TMEM120A: variants seen among roughly 807,000 people sequenced by gnomAD.
The protein encoded by TMEM120A is ion channel TACAN.
In TMEM120A, 45 loss-of-function variants were observed where a neutral mutation model predicts 54.3. The ratio of observed to expected loss-of-function variants is 0.83; its 90% confidence interval spans 0.65 to 1.06. TMEM120A has a LOEUF of 1.06. Among genes scored for constraint, TMEM120A ranks in the 50% least tolerant of loss-of-function variants. The pLI, the probability that TMEM120A is intolerant of heterozygous loss-of-function variation, is 0.00. For missense variants in TMEM120A, 424 were observed against 441.7 expected (o/e 0.96, Z 0.36); for synonymous variants, 204 against 178.5 (o/e 1.14, Z -1.14).
intron 1 of TMEM120A, among the ~76,000 whole-genome samples, chr7:75,994,058 C>T (rs1441888930): frequency 6.6e-6 from 1 of 151,914 alleles, no homozygotes; most frequent in Non-Finnish European, 1.5e-5. Flanking sequence ...CGCGGTATCC[C>T]TCTGCCTGGG....
chr7:75,989,404 C>G (rs2116663641), intron 3 of TMEM120A, among the ~76,000 whole-genome samples, 180 bp from the exon 4 acceptor site: 1 of 151,840 alleles, frequency 6.6e-6, no homozygotes, highest in South Asian at 2.1e-4. Flanking sequence ...CTGCCATGCC[C>G]AGCCTTCCTG....
rs1789512537 is a variant in TMEM120A, at chr7:75,986,900, C to T, written c.*272G>A. Reference sequence around the variant, plus strand: ...GTAGATCTGGGACCTCCACCTGCATCAACTTAACTAACTCAGACCCCAGGA... The same window carrying T: ...GTAGATCTGGGACCTCCACCTGCATTAACTTAACTAACTCAGACCCCAGGA... On this transcript the variant is annotated 3_prime_UTR_variant, in exon 12 of 12. Transcript: ENST00000493111. 2 of 584,960 alleles carry T rather than the reference C, an allele frequency of 3.4e-6. No individual in the cohort carries two copies. 36.2% of individuals were successfully genotyped at this position (584,960 alleles called of 1,614,324 possible).
chr7:75,993,869 T>C (rs1789939291), intron 1 of TMEM120A, among the ~76,000 whole-genome samples: 1 of 151,992 alleles, frequency 6.6e-6, no homozygotes, highest in South Asian at 2.1e-4. Flanking sequence ...GTCCAGACAA[T>C]TCCTCCCGTA....
At chr7:75,990,332 G>GGAGCACTCCGCCA (rs1563443151) in intron 3 of TMEM120A, among the ~76,000 whole-genome samples, 1 of 151,978 alleles carries the variant, frequency 6.6e-6, no homozygotes, top group Admixed American at 6.6e-5. Context: ...GCACTGTGCC[G>GGAGCACTCCGCCA]GGAGCACTCC....
chr7:75,988,276 C>G lies in TMEM120A; in HGVS notation c.539G>C (p.Ser180Thr), dbSNP rs1554560696. The change falls in exon 6 of 12, where the codon AGC (serine) becomes ACC (threonine). Residue 180 changes from serine (S) to threonine (T), a missense_variant. Ser to Thr is a moderately conservative substitution (Grantham distance 58, BLOSUM62 1). Coordinates refer to ENST00000493111, the MANE Select transcript of TMEM120A (RefSeq NM_031925.3). ...WYYCTLTIRE[S>T]ILINNGSRIK... is the part of the protein sequence containing the mutation. ...CCGGGAGCCGTTGTTGATGAGGATG[C>G]TCTCCCGGATGGTCAGGGTGCAGTA... The G allele has an allele frequency of 1.2e-6, 2 of 1,612,220 alleles. No individual in the cohort carries two copies. The highest frequency in any genetic ancestry group is 1.7e-6 in the Non-Finnish European group (2 of 1,179,910).
At position 75,994,472 on chromosome 7, in the gene TMEM120A, G is replaced by A. The variant is rs1167524168; in HGVS notation, c.81+18C>T. 6.4e-7 allele frequency: 1 copy of A among 1,552,862 alleles called. No individual in the cohort carries two copies. The highest frequency in any genetic ancestry group is 1.9e-5 in the Admixed American group (1 of 51,472). On this transcript the variant is annotated intron_variant, in intron 1 of 11. Coordinates refer to ENST00000493111, the MANE Select transcript of TMEM120A (RefSeq NM_031925.3). ...AGACGCGGCTCGGGGGCGACCCGGC[G>A]TCCGCAGCGGCGCTAACCTGGATGT... is the stretch of plus-strand genomic sequence containing the variant.
intron 3 of TMEM120A, 83 bp from the exon 4 acceptor site, chr7:75,989,307 C>T: frequency 1.1e-6 from 1 of 913,106 alleles, no homozygotes; most frequent in Non-Finnish European, 1.8e-6. Flanking sequence ...CAGGCCAGAG[C>T]CTGGGCCACC....
Position 75,994,588 on chromosome 7 carries a change from CCAGTAGT to C in TMEM120A, c.-25_-19del. ...GGCTGCATGGCTGCAGCGCCAGTAGCCAGTAGTGGAGGACGGCGCAGCAACCCCGGCC... is the reference window on the plus strand; with the variant it reads ...GGCTGCATGGCTGCAGCGCCAGTAGCGGAGGACGGCGCAGCAACCCCGGCC... On this transcript the variant is annotated 5_prime_UTR_variant, in exon 1 of 12. Transcript: ENST00000493111. 6.6e-6 allele frequency: 10 copies of C among 1,521,452 alleles called. No individual in the cohort carries two copies. Among genetic ancestry groups the C allele is most frequent in the Non-Finnish European group, 8.8e-6 (10 of 1,133,124 alleles). The allele number at this position is 1,521,452 out of a possible 1,614,324, so 94.2% of individuals were successfully genotyped here.
At position 75,994,555 on chromosome 7, in the gene TMEM120A, G is replaced by A. The variant is rs1789994654; in HGVS notation, c.16C>T (p.Pro6Ser). 1 of 1,550,888 alleles carries A rather than the reference G, an allele frequency of 6.4e-7. No homozygotes were observed. Residue 6 changes from proline (P) to serine (S), a missense_variant, in exon 1 of 12, where the codon CCG becomes TCG. By Grantham distance (74) the Pro-to-Ser change is moderately conservative. Coordinates refer to ENST00000493111, the MANE Select transcript of TMEM120A (RefSeq NM_031925.3). MQPPP[P>S]GPLGDCLRDW... ...CGCAGGCAGTCGCCCAGCGGGCCCG[G>A]GGGCGGGGGCTGCATGGCTGCAGCG...
rs1554560136 is a variant in TMEM120A at position 75,987,502 on chromosome 7, CA to C, written c.849+35del. On this transcript the variant is annotated intron_variant, in intron 10 of 11. Transcript: ENST00000493111. ...GCCCGAAACCGGCGCAGAGGACGGACAGACAGACAGGCAGGGACACAGAGGC... is the reference window on the plus strand; with the variant it reads ...GCCCGAAACCGGCGCAGAGGACGGACGACAGACAGGCAGGGACACAGAGGC... The C allele has an allele frequency of 8.6e-3, 8 of 932 alleles. 1 individual carries two copies. In the South Asian group the frequency reaches 0.36, roughly 42 times the overall value. The allele number at this position is 932 out of a possible 1,614,324, so 0.1% of individuals were successfully genotyped here.
At chr7:75,994,358 C>T in intron 1 of TMEM120A, 132 bp downstream of exon 1, 3 of 762,494 alleles carry the variant, frequency 3.9e-6, no homozygotes, top group East Asian at 3.1e-5. Flanking sequence ...CCTCGCCCCC[C>T]TTGGCAGTGA....
In TMEM120A at chr7:75,994,524, C is replaced by A. The variant is rs1554562762; in HGVS notation, c.47G>T (p.Trp16Leu). ...CTGGAAGTCCTGCTGTAGATCCTCC[C>A]AGTCCCGCAGGCAGTCGCCCAGCGG... Reference protein sequence around the residue: ...PGPLGDCLRDWEDLQQDFQNI... With the variant: ...PGPLGDCLRDLEDLQQDFQNI... Residue 16 changes from tryptophan to leucine, a missense_variant, in exon 1 of 12, where the codon TGG (tryptophan) becomes TTG (leucine). Trp to Leu is a moderately conservative substitution (Grantham distance 61). Transcript: ENST00000493111. 2 of 1,565,664 alleles carry A rather than the reference C, an allele frequency of 1.3e-6. No individual in the cohort carries two copies. The highest frequency in any genetic ancestry group is 2.4e-5 in the East Asian group (1 of 41,462).
chr7:75,993,257 G>A (rs976792555), intron 1 of TMEM120A, among the ~76,000 whole-genome samples: 48 of 152,192 alleles, frequency 3.2e-4, no homozygotes, highest in African/African-American at 8.9e-4. Flanking sequence ...AGCTCCTCCT[G>A]CCTATCTAGC....
chr7:75,989,026 A>AGGCCGGGTGGGGTGGGGGGTGGAGGGGAC, intron 4 of TMEM120A, 139 bp downstream of exon 4: 2 of 90,598 alleles, frequency 2.2e-5, no homozygotes, highest in African/African-American at 9.9e-5. Context: ...GTGGAGGGGA[A>AGGCCGGGTGGGGTGGGGGGTGGAGGGGAC]GGCCGGGTTG....
In TMEM120A at chr7:75,989,928, A is replaced by G. The variant is rs571926254; in HGVS notation, c.318-704T>C. On this transcript the variant is annotated intron_variant, in intron 3 of 11. Transcript: ENST00000493111. Reference sequence around the variant, plus strand: ...CATCTTGCCCTTCTCTGCCAGAGATACTCCAAGAGGTGACAGCAAAGTCAC... The same window carrying G: ...CATCTTGCCCTTCTCTGCCAGAGATGCTCCAAGAGGTGACAGCAAAGTCAC... 7.4e-4 allele frequency among the ~76,000 whole-genome samples: 113 copies of G among 151,990 alleles called. 2 individuals are homozygous for G. The South Asian group carries it at 0.023, about 31-fold the overall frequency.
At position 75,986,953 on chromosome 7, in the gene TMEM120A, C is replaced by T; in HGVS notation, c.*219G>A. On this transcript the variant is annotated 3_prime_UTR_variant, in exon 12 of 12. Transcript: ENST00000493111. ...CCATGTGGTGGGGCCACCCAGCCCT[C>T]CCCTCCCCCAGGAGAACACACACGC... 1.7e-6 allele frequency: 1 copy of T among 600,486 alleles called. No individual in the cohort carries two copies. Among genetic ancestry groups the T allele is most frequent in the Admixed American group, 3.0e-5 (1 of 32,998 alleles). The allele number at this position is 600,486 out of a possible 1,614,324, so 37.2% of individuals were successfully genotyped here. A position where few individuals can be genotyped will look rare whatever the true frequency, so the allele number is the denominator to read the frequency against.
chr7:75,989,315 A>ACCACC (rs1158196316), intron 3 of TMEM120A, 91 bp from the exon 4 acceptor site: 1 of 844,394 alleles, frequency 1.2e-6, no homozygotes, highest in African/African-American at 1.7e-5. Flanking sequence ...AGCCTGGGCC[A>ACCACC]CCACCCCACC....
At position 75,988,258 on chromosome 7, in the gene TMEM120A, C is replaced by T; in HGVS notation, c.557G>A (p.Gly186Asp). 6.2e-7 allele frequency: 1 copy of T among 1,612,106 alleles called. No homozygotes were observed. Among genetic ancestry groups the T allele is most frequent in the African/African-American group, 1.3e-5 (1 of 75,048 alleles). The change falls in exon 6 of 12, where the codon GGC (glycine) becomes GAC (aspartate). Residue 186 changes from glycine (G) to aspartate (D), a missense_variant. Physicochemically the swap from Gly to Asp is moderately conservative, Grantham distance 94 (BLOSUM62 -1). Coordinates refer to ENST00000493111, the MANE Select transcript of TMEM120A (RefSeq NM_031925.3). The stretch of plus-strand genomic sequence containing the variant: ...CAGGGCCCGCCCTGCCCACCGGGAG[C>T]CGTTGTTGATGAGGATGCTCTCCCG... ...TIRESILINN[G>D]SRIKGWWVFH...
chr7:75,993,923 G>A (rs1475820634), intron 1 of TMEM120A, among the ~76,000 whole-genome samples: 1 of 152,088 alleles, frequency 6.6e-6, no homozygotes, highest in Non-Finnish European at 1.5e-5. Flanking sequence ...TGCCAGGCCA[G>A]AGCGTCCCTG....
Sources: gnomAD v4.1 joint callset for allele counts (sites outside exome capture counted in the v4.1 genomes callset) on GRCh38, gnomAD v4.1.1 for gene constraint, MANE v1.5 for transcripts, NCBI Gene and HGNC (gene_info 2026-07-23, HGNC 2026-07-21) for gene names.